GRM6: variants seen among roughly 807,000 people sequenced by gnomAD.
GRM6 encodes metabotropic glutamate receptor 6.
A neutral mutation model predicts 78.4 loss-of-function variants in GRM6; 73 were observed. The ratio of observed to expected loss-of-function variants is 0.93; its 90% CI spans 0.77 to 1.13. GRM6 has a LOEUF of 1.13. Ranked by LOEUF, GRM6 falls within the 50% of genes most tolerant of loss-of-function variation. The pLI is 0.00. For synonymous variants in GRM6, 580 were observed against 555.0 expected (o/e 1.05, Z -0.63); for missense variants, 1,251 against 1,256.4 (o/e 1.00, Z 0.07).
Position 178,981,832 on chromosome 5 carries a change from A to G in GRM6, c.2459T>C (p.Leu820Pro), listed in dbSNP as rs1178913967. ...GGCACTCAGGCTCAAGGACACGGTT[A>G]GCGTGGTTGTCTGGATGTAGATCTA... ...AEKIYIQTTT[L>P]TVSLSLSASV... Residue 820 changes from leucine to proline, a missense_variant, in exon 11 of 11, where the codon CTA becomes CCA. Coordinates refer to ENST00000517717, the MANE Select transcript of GRM6 (RefSeq NM_000843.4). This position sits in a 1 kb window ranked among gnomAD's most constrained non-coding sequence, Gnocchi z 5.1. The G allele has an allele frequency of 6.2e-7, 1 of 1,612,536 alleles. No homozygotes were observed. The highest frequency in any genetic ancestry group is 1.3e-5 in the African/African-American group (1 of 74,906).
At position 178,986,984 on chromosome 5, in the gene GRM6, C is replaced by T. The variant is rs775251481; in HGVS notation, c.1355-1G>A. The T allele has an allele frequency of 6.2e-7, 1 of 1,613,400 alleles. No individual in the cohort carries two copies. The highest frequency in any genetic ancestry group is 1.1e-5 in the South Asian group (1 of 90,956). On this transcript the variant is annotated splice_acceptor_variant, in intron 7 of 10. Coordinates refer to ENST00000517717, the MANE Select transcript of GRM6 (RefSeq NM_000843.4). LOFTEE classifies it high-confidence loss of function. ...AACATCACAGGGGTTCCTGCGCTGC[C>T]TGGAGAGAGAGTCCGTCATCCTCGG...
At chr5:178,989,791 T>C (rs1011199223) in intron 5 of GRM6, 3 of 346,930 alleles carry the variant, frequency 8.6e-6, no homozygotes, top group African/African-American at 2.1e-5. Flanking sequence ...AGCAGCCATC[T>C]TGTGACTATG....
intron 7 of GRM6, chr5:178,987,188 G>A (rs1275926449): frequency 1.4e-6 from 1 of 697,312 alleles, no homozygotes; most frequent in Non-Finnish European, 2.6e-6. Flanking sequence ...CGAGTGTTGT[G>A]AGCGTGTGGA....
chr5:178,982,945 G>A lies in GRM6; in HGVS notation c.2401C>T (p.Pro801Ser), dbSNP rs752024237. The change falls in exon 10 of 11, where the codon CCC becomes TCC. Residue 801 changes from proline (P) to serine (S), a missense_variant. Physicochemically the swap from Pro to Ser is moderately conservative, Grantham distance 74. Coordinates refer to ENST00000517717, the MANE Select transcript of GRM6 (RefSeq NM_000843.4). ...GACTGGGCAGTGCCAAAGAAGATGGGCACGAATGCCAGCCAGATGATGCAG... is the reference window on the plus strand; with the variant it reads ...GACTGGGCAGTGCCAAAGAAGATGGACACGAATGCCAGCCAGATGATGCAG... The part of the protein sequence containing the change: ...TTCIIWLAFV[P>S]IFFGTAQSAE... 1 of 1,614,164 alleles carries A rather than the reference G, an allele frequency of 6.2e-7. No homozygotes were observed. The highest frequency in any genetic ancestry group is 8.5e-7 in the Non-Finnish European group (1 of 1,179,998).
At position 178,981,428 on chromosome 5, in the gene GRM6, TGG is replaced by T; in HGVS notation, c.*227_*228del. The T allele has an allele frequency of 1.9e-6, 1 of 515,576 alleles. No individual in the cohort carries two copies. The highest frequency in any genetic ancestry group is 3.5e-6 in the Non-Finnish European group (1 of 286,772). 31.9% of individuals were successfully genotyped at this position (515,576 alleles called of 1,614,324 possible). ...CCTTCTCGGTGGCTGTTTCCCACCA[TGG>T]GAAGCGAGTCTGGTCTGTGGTGAGG... On this transcript the variant is annotated 3_prime_UTR_variant, in exon 11 of 11. Coordinates refer to ENST00000517717, the MANE Select transcript of GRM6 (RefSeq NM_000843.4). This position sits in a 1 kb window ranked among gnomAD's most constrained non-coding sequence, Gnocchi z 5.1.
In GRM6 at chr5:178,994,900, C is replaced by T; in HGVS notation, c.45G>A (p.Leu15=). 8.3e-7 allele frequency: 1 copy of T among 1,210,108 alleles called. No homozygotes were observed. Among genetic ancestry groups the T allele is most frequent in the Non-Finnish European group, 1.0e-6 (1 of 971,894 alleles). 75.0% of individuals were successfully genotyped at this position (1,210,108 alleles called of 1,614,324 possible). A position where few individuals can be genotyped will look rare whatever the true frequency, so the allele number is the denominator to read the frequency against. Residue 15 remains leucine, a synonymous_variant, in exon 2 of 11, where the codon CTG becomes CTA. Transcript: ENST00000517717. ...CCTGCGCCAGCCACGCCAGCGGCAGCAGCGCCACGAGCAGCGGCTCCCGGG... is the reference window on the plus strand; with the variant it reads ...CCTGCGCCAGCCACGCCAGCGGCAGTAGCGCCACGAGCAGCGGCTCCCGGG... ...RRAREPLLVA[L]LPLAWLAQAG...
At chr5:178,989,242 T>A in intron 6 of GRM6, 23 bp downstream of exon 6, 1 of 1,203,568 alleles carries the variant, frequency 8.3e-7, no homozygotes, top group Non-Finnish European at 1.1e-6. Flanking sequence ...CTCCCCACCC[T>A]CACCACCCTG....
intron 7 of GRM6, chr5:178,987,307 C>A: frequency 1.9e-6 from 1 of 518,514 alleles, no homozygotes; most frequent in East Asian, 5.2e-5. Context: ...GTTCCACTCC[C>A]GGGTAGATAC....
In GRM6 at chr5:178,994,785, C is replaced by T. The variant is rs746160552; in HGVS notation, c.160G>A (p.Gly54Ser). The change falls in exon 2 of 11, where the codon GGC (glycine) becomes AGC (serine). Residue 54 changes from glycine to serine, a missense_variant. Coordinates refer to ENST00000517717, the MANE Select transcript of GRM6 (RefSeq NM_000843.4). ...LFPVHARGAAGRACGQLKKEQ... is the reference protein window; with the variant it reads ...LFPVHARGAASRACGQLKKEQ... ...TTCTTCAGCTGCCCGCACGCCCGGC[C>T]CGCCGCGCCCCGCGCGTGCACCGGG... 9 of 1,326,552 alleles carry T rather than the reference C, an allele frequency of 6.8e-6. No individual in the cohort carries two copies. In the South Asian group the frequency reaches 1.4e-4, roughly 21 times the overall value. The allele number at this position is 1,326,552 out of a possible 1,614,324, so 82.2% of individuals were successfully genotyped here.
intron 9 of GRM6, chr5:178,985,236 A>C (rs1288532997): frequency 4.4e-6 from 2 of 456,216 alleles, no homozygotes; most frequent in Non-Finnish European, 8.8e-6. Flanking sequence ...CAAATTGTAG[A>C]AGAGCATTTT....
rs200232436 is a variant in GRM6, at chr5:178,986,722, T to C, written c.1532A>G (p.His511Arg). ...GCTGCACAGAGACGAGGGCACCTCG[T>C]GGGGGTCGCCAGACCACTGCAGGGC... The part of the protein sequence containing the change: ...VEALQWSGDP[H>R]EVPSSLCSLP... The change falls in exon 9 of 11, where the codon CAC becomes CGC. Residue 511 changes from histidine to arginine, a missense_variant. Transcript: ENST00000517717. 560 of 1,605,032 alleles carry C rather than the reference T, an allele frequency of 3.5e-4. 5 individuals carry two copies. In the East Asian group the frequency reaches 0.011, roughly 31 times the overall value.
In GRM6 at chr5:178,988,818, C is replaced by G; in HGVS notation, c.1354+117G>C. The G allele has an allele frequency of 1.2e-6, 1 of 800,450 alleles. No individual in the cohort carries two copies. Among genetic ancestry groups the G allele is most frequent in the Non-Finnish European group, 2.1e-6 (1 of 477,596 alleles). The allele number at this position is 800,450 out of a possible 1,614,324, so 49.6% of individuals were successfully genotyped here. On this transcript the variant is annotated intron_variant, in intron 7 of 10. Transcript: ENST00000517717. This position sits in a 1 kb window ranked among gnomAD's most constrained non-coding sequence, Gnocchi z 6.0. ...CTTTGGCACTCAGCCCCAGGCACCC[C>G]CATTAGACCACTCAGCCTCACCCAG... is the stretch of plus-strand genomic sequence containing the variant.
Position 178,990,602 on chromosome 5 carries a change from G to A in GRM6, c.1002C>T (p.Ala334=). 1 of 1,612,888 alleles carries A rather than the reference G, an allele frequency of 6.2e-7. No individual in the cohort carries two copies. Among genetic ancestry groups the A allele is most frequent in the Non-Finnish European group, 8.5e-7 (1 of 1,179,574 alleles). The change falls in exon 5 of 11, where the codon GCC becomes GCT. Residue 334 remains alanine (A), a synonymous_variant. Transcript: ENST00000517717. ...TGCCCCTGGACTCACCGTCGATGGA[G>A]GCCCTTTTGGGCAGGATGGTGATGG... ...VGAITILPKR[A]SIDGFDQYFM...
At chr5:178,985,216 A>T in intron 9 of GRM6, 2 of 454,470 alleles carry the variant, frequency 4.4e-6, no homozygotes, top group Non-Finnish European at 8.9e-6. Flanking sequence ...ACCTGTTTCC[A>T]TATGTGAGCC....
chr5:178,983,001 G>C lies in GRM6; in HGVS notation c.2345C>G (p.Ala782Gly). 1 of 1,614,122 alleles carries C rather than the reference G, an allele frequency of 6.2e-7. No individual in the cohort carries two copies. Reference sequence around the variant, plus strand: ...GTACATGGTGAAGCCGATGGGCTTGGCCTCGTTGAAGGTCTCGGGCACGCC... The same window carrying C: ...GTACATGGTGAAGCCGATGGGCTTGCCCTCGTTGAAGGTCTCGGGCACGCC... Reference protein sequence around the residue: ...ARGVPETFNEAKPIGFTMYTT... With the variant: ...ARGVPETFNEGKPIGFTMYTT... Residue 782 changes from alanine (A) to glycine (G), a missense_variant, in exon 10 of 11, where the codon GCC (alanine) becomes GGC (glycine). Ala to Gly is a moderately conservative substitution (Grantham distance 60, BLOSUM62 0). Coordinates refer to ENST00000517717, the MANE Select transcript of GRM6 (RefSeq NM_000843.4).
intron 9 of GRM6, chr5:178,985,412 A>G (rs1371880955): frequency 1.9e-5 from 7 of 366,068 alleles, no homozygotes; most frequent in South Asian, 4.0e-5. Context: ...CTTAAAAAAA[A>G]AAAAAAACTC....
At chr5:178,995,027 C>A in intron 1 of GRM6, 67 bp from the exon 2 acceptor site, 1 of 809,726 alleles carries the variant, frequency 1.2e-6, no homozygotes, top group Non-Finnish European at 1.5e-6. Context: ...GCTCGGGGCG[C>A]GGGGAGGGAC....
intron 6 of GRM6, 45 bp downstream of exon 6, chr5:178,989,220 A>ACCCC: frequency 1.1e-5 from 9 of 817,022 alleles, no homozygotes; most frequent in South Asian, 5.0e-5. Flanking sequence ...CACCCTCACC[A>ACCCC]CCCTCCCCAC....
intron 9 of GRM6, chr5:178,985,786 G>A (rs1268222003): frequency 2.0e-6 from 1 of 506,286 alleles, no homozygotes; most frequent in Non-Finnish European, 3.8e-6. Context: ...TTTTGAGACA[G>A]GGTCTTACTC....
Sources: gnomAD v4.1 joint callset for allele counts on GRCh38, gnomAD v4.1.1 for gene constraint, Gnocchi (gnomAD v3.1) non-coding constraint, MANE v1.5 for transcripts, NCBI Gene and HGNC (gene_info 2026-07-23, HGNC 2026-07-21) for gene names.